The following PDZRN4 variants were observed in gnomAD, a reference collection of about 807,000 sequenced individuals.
The protein encoded by PDZRN4 is PDZ domain containing ring finger 4.
PDZRN4 carries 70 observed loss-of-function variants against 99.0 expected under a neutral mutation model. That is an observed-to-expected ratio of 0.71 (90% CI 0.58 to 0.86). The LOEUF is 0.86. Ranked by LOEUF, PDZRN4 falls within the 40% of genes least tolerant of loss-of-function variation. The pLI is 0.00. For synonymous variants in PDZRN4, 551 were observed against 501.6 expected (o/e 1.10, Z -1.32); for missense variants, 1,474 against 1,331.2 (o/e 1.11, Z -1.67).
At chr12:41,232,284 G>A (rs998578475) in intron 3 of PDZRN4, among the ~76,000 whole-genome samples, 2 of 151,998 alleles carry the variant, frequency 1.3e-5, no homozygotes, top group Admixed American at 6.6e-5. Context: ...TGCTCATGTA[G>A]CCTCACCTGC....
At chr12:41,258,867 A>G (rs1951219564) in intron 3 of PDZRN4, among the ~76,000 whole-genome samples, 1 of 152,118 alleles carries the variant, frequency 6.6e-6, no homozygotes, top group Non-Finnish European at 1.5e-5. Context: ...CTGTCTGATT[A>G]ATGTTATGAG....
chr12:41,327,375 C>A (rs1951716543), intron 3 of PDZRN4, among the ~76,000 whole-genome samples: 1 of 152,180 alleles, frequency 6.6e-6, no homozygotes, highest in Non-Finnish European at 1.5e-5. Context: ...TTTGCAAAAT[C>A]TTTTCCCTCT....
intron 3 of PDZRN4, among the ~76,000 whole-genome samples, chr12:41,373,564 G>A (rs977793249): frequency 6.6e-6 from 1 of 152,174 alleles, no homozygotes; most frequent in Admixed American, 6.5e-5. Flanking sequence ...AGCAGTCAGA[G>A]TTTAAGGTTC....
At chr12:41,317,214 A>C (rs1951645240) in intron 3 of PDZRN4, among the ~76,000 whole-genome samples, 1 of 151,652 alleles carries the variant, frequency 6.6e-6, no homozygotes, top group Non-Finnish European at 1.5e-5. Context: ...AGAGATAAAA[A>C]ATTATTTTAA....
chr12:41,325,780 A>G (rs1354145196), intron 3 of PDZRN4, among the ~76,000 whole-genome samples: 1 of 152,204 alleles, frequency 6.6e-6, no homozygotes, highest in Non-Finnish European at 1.5e-5. Flanking sequence ...TTTAGCAAAC[A>G]AGCATTATTC....
intron 3 of PDZRN4, among the ~76,000 whole-genome samples, chr12:41,405,439 A>G (rs1048494105): frequency 5.9e-5 from 9 of 152,224 alleles, no homozygotes; most frequent in African/African-American, 2.2e-4. Context: ...TTAAAAAGTC[A>G]TAAAGCAACA....
At chr12:41,571,886 A>G (rs1229176205) in intron 9 of PDZRN4, among the ~76,000 whole-genome samples, 1 of 152,214 alleles carries the variant, frequency 6.6e-6, no homozygotes, top group East Asian at 1.9e-4. Flanking sequence ...CATTGTCAGC[A>G]TATTACTAAG....
chr12:41,453,124 G>C (rs1431756618), intron 3 of PDZRN4, among the ~76,000 whole-genome samples: 1 of 152,180 alleles, frequency 6.6e-6, no homozygotes, highest in Non-Finnish European at 1.5e-5. Context: ...AGTGAGCATA[G>C]CTTTGAATAA....
In PDZRN4 at chr12:41,549,108, G is replaced by A. The variant is rs181185125; in HGVS notation, c.1204-3548G>A. On this transcript the variant is annotated intron_variant, in intron 5 of 9. Coordinates refer to ENST00000402685, the MANE Select transcript of PDZRN4 (RefSeq NM_001164595.2). ...GACAAATGACTTATGGATGGTTAGCGCTGCCATCCATGCAGGCTTGGCATT... is the reference window on the plus strand; with the variant it reads ...GACAAATGACTTATGGATGGTTAGCACTGCCATCCATGCAGGCTTGGCATT... 7.7e-4 allele frequency among the ~76,000 whole-genome samples: 117 copies of A among 152,246 alleles called. 1 individual carries two copies. Among genetic ancestry groups the A allele is most frequent in the African/African-American group, 2.6e-3 (109 of 41,554 alleles).
chr12:41,573,229 C>G lies in PDZRN4; in HGVS notation c.2450C>G (p.Pro817Arg). The G allele has an allele frequency of 2.5e-6, 4 of 1,614,138 alleles. No individual in the cohort carries two copies. Among genetic ancestry groups the G allele is most frequent in the Non-Finnish European group, 3.4e-6 (4 of 1,180,012 alleles). ...KEKVLEGSKL[P>R]DQEKAVSEHI... ...AAGGTTTTAGAAGGCAGCAAGCTTCCTGATCAAGAGAAGGCAGTCAGCGAA... is the reference window on the plus strand; with the variant it reads ...AAGGTTTTAGAAGGCAGCAAGCTTCGTGATCAAGAGAAGGCAGTCAGCGAA... Residue 817 changes from proline to arginine, a missense_variant, in exon 10 of 10, where the codon CCT (proline) becomes CGT (arginine). By Grantham distance (103) the Pro-to-Arg change is moderately radical. Transcript: ENST00000402685.
At chr12:41,317,980 TC>T in intron 3 of PDZRN4, among the ~76,000 whole-genome samples, 1 of 152,300 alleles carries the variant, frequency 6.6e-6, no homozygotes, top group Non-Finnish European at 1.5e-5. Context: ...ATTTTGATGT[TC>T]CCCATGGAGG....
At chr12:41,349,847 AG>A (rs1240470629) in intron 3 of PDZRN4, among the ~76,000 whole-genome samples, 1 of 151,956 alleles carries the variant, frequency 6.6e-6, no homozygotes, top group East Asian at 1.9e-4. Flanking sequence ...TTCTTCCTGC[AG>A]AAGTCAAAAA....
intron 3 of PDZRN4, among the ~76,000 whole-genome samples, chr12:41,197,925 T>TTTTTTTTTTTTTTTTTTTTTG (rs1566352697): frequency 7.4e-6 from 1 of 135,042 alleles, no homozygotes; most frequent in African/African-American, 2.7e-5. Context: ...TCTGGGTTTT[T>TTTTTTTTTTTTTTTTTTTTTG]TTTTTTGGAG....
At chr12:41,431,713 A>C (rs529891335) in intron 3 of PDZRN4, among the ~76,000 whole-genome samples, 62 of 152,320 alleles carry the variant, frequency 4.1e-4, no homozygotes, top group African/African-American at 1.4e-3. Context: ...GGAGTTCATA[A>C]GTTGGTGAGG....
chr12:41,370,325 C>A (rs962254147), intron 3 of PDZRN4, among the ~76,000 whole-genome samples: 7 of 151,954 alleles, frequency 4.6e-5, no homozygotes, highest in African/African-American at 1.7e-4. Flanking sequence ...TTTATCTGAT[C>A]ACTCTCCTAT....
intron 3 of PDZRN4, among the ~76,000 whole-genome samples, chr12:41,258,811 C>A (rs1437732650): frequency 6.6e-6 from 1 of 151,762 alleles, no homozygotes. Flanking sequence ...GTAACACATA[C>A]CCAAAGGATA....
At chr12:41,462,860 G>T (rs2120539601) in intron 3 of PDZRN4, among the ~76,000 whole-genome samples, 1 of 151,800 alleles carries the variant, frequency 6.6e-6, no homozygotes, top group Non-Finnish European at 1.5e-5. Context: ...AAGAACAATT[G>T]GCCAGATGTA....
chr12:41,383,624 AC>A (rs1952142471), intron 3 of PDZRN4, among the ~76,000 whole-genome samples: 1 of 152,016 alleles, frequency 6.6e-6, no homozygotes, highest in African/African-American at 2.4e-5. Flanking sequence ...TGGATTCATA[AC>A]TCTGTTATTA....
intron 5 of PDZRN4, among the ~76,000 whole-genome samples, chr12:41,536,347 A>G (rs748800456): frequency 5.9e-5 from 9 of 152,186 alleles, no homozygotes; most frequent in Non-Finnish European, 1.3e-4. Context: ...AAGACTACAT[A>G]CTGTATGATT....
Sources: gnomAD v4.1 joint callset for allele counts (sites outside exome capture counted in the v4.1 genomes callset) on GRCh38, gnomAD v4.1.1 for gene constraint, MANE v1.5 for transcripts, NCBI Gene and HGNC (gene_info 2026-07-23, HGNC 2026-07-21) for gene names.